Variants in UNC5D observed in about 807,000 individuals in gnomAD.
The protein encoded by UNC5D is netrin receptor UNC5D.
UNC5D carries 39 observed loss-of-function variants against 105.4 expected under a neutral mutation model. The ratio of observed to expected loss-of-function variants is 0.37; its 90% CI spans 0.29 to 0.48. The LOEUF (loss-of-function observed/expected upper bound fraction) is 0.48, where lower values mean the gene tolerates loss of function less well. Among genes scored for constraint, UNC5D ranks in the 20% least tolerant of loss-of-function variants. The pLI is 0.98. For synonymous variants in UNC5D, 452 were observed against 450.4 expected (o/e 1.00, Z -0.04); for missense variants, 991 against 1,202.4 (o/e 0.82, Z 2.60).
chr8:35,652,951 G>T (rs2131190468), intron 4 of UNC5D, among the ~76,000 whole-genome samples: 1 of 102,158 alleles, frequency 9.8e-6, no homozygotes, highest in African/African-American at 4.2e-5. Flanking sequence ...TTTTGAGACA[G>T]AGTTTCACTC....
chr8:35,559,210 G>A (rs1468370772), intron 2 of UNC5D, among the ~76,000 whole-genome samples: 2 of 152,118 alleles, frequency 1.3e-5, no homozygotes, highest in African/African-American at 4.8e-5. Context: ...AAAAGGTCCC[G>A]GAAAACAGGC....
At chr8:35,264,839 T>C in intron 1 of UNC5D, among the ~76,000 whole-genome samples, 1 of 152,314 alleles carries the variant, frequency 6.6e-6, no homozygotes, top group East Asian at 1.9e-4. Context: ...CCATCCTGTG[T>C]ACCTGAGATG....
intron 1 of UNC5D, among the ~76,000 whole-genome samples, chr8:35,384,224 A>T (rs543609599): frequency 1.4e-4 from 22 of 151,896 alleles, no homozygotes; most frequent in African/African-American, 5.1e-4. Context: ...ATTTCAAAAA[A>T]AAAAAACAAA....
intron 1 of UNC5D, among the ~76,000 whole-genome samples, chr8:35,518,047 G>A (rs755917770): frequency 1.4e-4 from 22 of 152,058 alleles, no homozygotes; most frequent in Middle Eastern, 6.8e-3. Context: ...TTTGGGGGGG[G>A]CATAAACATT....
At chr8:35,649,853 T>C (rs2131174428) in intron 4 of UNC5D, among the ~76,000 whole-genome samples, 1 of 152,164 alleles carries the variant, frequency 6.6e-6, no homozygotes, top group South Asian at 2.1e-4. Context: ...GAAACAGACA[T>C]AAAGCAGAAG....
intron 1 of UNC5D, among the ~76,000 whole-genome samples, chr8:35,335,466 G>A (rs1810953860): frequency 6.6e-6 from 1 of 152,100 alleles, no homozygotes; most frequent in African/African-American, 2.4e-5. Flanking sequence ...TAAGCACTTA[G>A]CACTCTGTCT....
intron 4 of UNC5D, among the ~76,000 whole-genome samples, chr8:35,599,968 A>G (rs1265071952): frequency 6.6e-6 from 1 of 151,726 alleles, no homozygotes; most frequent in Non-Finnish European, 1.5e-5. Context: ...CAACCCCACA[A>G]CAGTCCCTGG....
At chr8:35,506,424 T>C (rs1812307483) in intron 1 of UNC5D, among the ~76,000 whole-genome samples, 1 of 152,184 alleles carries the variant, frequency 6.6e-6, no homozygotes, top group Admixed American at 6.5e-5. Flanking sequence ...GCATATGAAA[T>C]TGCAGGGGCT....
chr8:35,569,070 T>G (rs897106225), intron 3 of UNC5D, among the ~76,000 whole-genome samples: 1 of 137,644 alleles, frequency 7.3e-6, no homozygotes. Context: ...AAAAAAAAAA[T>G]ACACACTTGG....
chr8:35,341,312 A>G (rs1376113680), intron 1 of UNC5D, among the ~76,000 whole-genome samples: 1 of 152,172 alleles, frequency 6.6e-6, no homozygotes, highest in Non-Finnish European at 1.5e-5. Flanking sequence ...CTACTTAAAC[A>G]GAAATTCTTC....
chr8:35,506,621 A>T (rs1257319454), intron 1 of UNC5D, among the ~76,000 whole-genome samples: 1 of 152,244 alleles, frequency 6.6e-6, no homozygotes, highest in East Asian at 1.9e-4. Flanking sequence ...TTTGAACTGA[A>T]GTATTTCGGA....
chr8:35,263,216 A>G (rs1804608839), intron 1 of UNC5D, among the ~76,000 whole-genome samples: 1 of 152,174 alleles, frequency 6.6e-6, no homozygotes, highest in African/African-American at 2.4e-5. Flanking sequence ...AAATCCCTCT[A>G]ATAATTCCTC....
intron 3 of UNC5D, among the ~76,000 whole-genome samples, chr8:35,583,385 C>T (rs1437201996): frequency 6.6e-6 from 1 of 151,916 alleles, no homozygotes; most frequent in Non-Finnish European, 1.5e-5. Flanking sequence ...GTGTGTGTGC[C>T]TGAGTGTGTG....
At chr8:35,372,884 G>T (rs1252570428) in intron 1 of UNC5D, among the ~76,000 whole-genome samples, 1 of 152,182 alleles carries the variant, frequency 6.6e-6, no homozygotes, top group Non-Finnish European at 1.5e-5. Context: ...TTACAAATGT[G>T]AGCCACTATG....
intron 1 of UNC5D, among the ~76,000 whole-genome samples, chr8:35,307,498 A>T (rs1403311739): frequency 1.3e-5 from 2 of 152,142 alleles, no homozygotes; most frequent in Non-Finnish European, 1.5e-5. Flanking sequence ...ACTAGTTACT[A>T]ATGGGACAGT....
intron 1 of UNC5D, among the ~76,000 whole-genome samples, chr8:35,388,149 G>T (rs1189133013): frequency 1.3e-5 from 2 of 152,022 alleles, no homozygotes; most frequent in Non-Finnish European, 2.9e-5. Flanking sequence ...CGAGGTGGGT[G>T]GATCACTTGA....
chr8:35,691,920 T>C (rs976152112), intron 7 of UNC5D, among the ~76,000 whole-genome samples: 1 of 152,126 alleles, frequency 6.6e-6, no homozygotes. Flanking sequence ...GGCATTGGCT[T>C]GAGAAGATTA....
chr8:35,626,439 T>C (rs1295754373), intron 4 of UNC5D, among the ~76,000 whole-genome samples: 3 of 152,224 alleles, frequency 2.0e-5, no homozygotes, highest in Non-Finnish European at 4.4e-5. Context: ...ATTAGCTATA[T>C]GCATATATGA....
intron 1 of UNC5D, among the ~76,000 whole-genome samples, chr8:35,430,099 A>G (rs1327193400): frequency 6.6e-6 from 1 of 152,156 alleles, no homozygotes; most frequent in Non-Finnish European, 1.5e-5. Flanking sequence ...TAGCTCCAGG[A>G]TGGTGACTGG....
Sources: allele counts gnomAD v4.1 joint callset (sites outside exome capture counted in the v4.1 genomes callset), GRCh38; gene constraint gnomAD v4.1.1; transcripts MANE v1.5; gene names NCBI Gene and HGNC (gene_info 2026-07-23, HGNC 2026-07-21).